The following PRPSAP1 variants were observed in gnomAD, a reference collection of about 807,000 sequenced individuals.
PRPSAP1 encodes the protein phosphoribosyl pyrophosphate synthetase associated protein 1, also known as phosphoribosyl pyrophosphate synthase-associated protein 1.
PRPSAP1 carries 31 observed loss-of-function variants against 39.4 expected under a neutral mutation model. The observed-to-expected ratio is 0.79, with a 90% CI of 0.59 to 1.06. The LOEUF (loss-of-function observed/expected upper bound fraction) is 1.06, where lower values mean the gene tolerates loss of function less well. Ranked by LOEUF, PRPSAP1 falls within the 50% of genes least tolerant of loss-of-function variation. The pLI is 0.00. For synonymous variants in PRPSAP1, 212 were observed against 192.6 expected (o/e 1.10, Z -0.83); for missense variants, 430 against 511.6 (o/e 0.84, Z 1.54).
Position 76,332,704 on chromosome 17 carries a change from G to C in PRPSAP1, c.291-269C>G, listed in dbSNP as rs150493869. Among the ~76,000 whole-genome samples, 287 of 152,186 alleles carry C rather than the reference G, an allele frequency of 1.9e-3. 4 individuals carry two copies. Among genetic ancestry groups the C allele is most frequent in the Admixed American group, 6.8e-3 (104 of 15,276 alleles). On this transcript the variant is annotated intron_variant, in intron 3 of 9. Coordinates refer to ENST00000446526, the MANE Select transcript of PRPSAP1 (RefSeq NM_002766.3). ...GCCTGGGTCTCCTGTGTCATACCCC[G>C]TTACTGCAGTGACATCTGAAGCAAC...
chr17:76,341,225 CTTTT>C (rs1227950670), intron 3 of PRPSAP1, among the ~76,000 whole-genome samples: 92 of 122,186 alleles, frequency 7.5e-4, no homozygotes, highest in Non-Finnish European at 1.1e-3. Context: ...AACAATTTGA[CTTTT>C]TTTTGTTTTT....
chr17:76,347,103 C>T (rs573324034), intron 2 of PRPSAP1, among the ~76,000 whole-genome samples: 7 of 151,916 alleles, frequency 4.6e-5, no homozygotes, highest in East Asian at 3.9e-4. Context: ...CAATCCAGAA[C>T]GAGCAGCGCA....
chr17:76,314,564 G>T (rs1319098370), intron 7 of PRPSAP1: 1 of 152,090 alleles, frequency 6.6e-6, no homozygotes, highest in East Asian at 1.9e-4. Context: ...TCTCAGAGGG[G>T]ATCTTGCTAT....
At chr17:76,345,609 G>GA (rs60667192) in intron 2 of PRPSAP1, among the ~76,000 whole-genome samples, 19,109 of 99,380 alleles carry the variant, frequency 0.19, 2,156 homozygotes, top group African/African-American at 0.36. Flanking sequence ...CTTGTCTGGA[G>GA]AAAAAAAAAA....
intron 7 of PRPSAP1, among the ~76,000 whole-genome samples, chr17:76,325,621 CAG>C (rs1307623069): frequency 2.4e-5 from 3 of 122,464 alleles, no homozygotes; most frequent in Admixed American, 9.1e-5. Flanking sequence ...TTTTTTGAGA[CAG>C]AGTCTCGCTC....
upstream of PRPSAP1, chr17:76,354,056 C>A: frequency 9.2e-7 from 1 of 1,083,792 alleles, no homozygotes; most frequent in Non-Finnish European, 1.1e-6. Flanking sequence ...CGCCCCGCCC[C>A]TGCTTTGACC....
rs753843843 is a variant in PRPSAP1, at chr17:76,348,563, C to T, written c.189G>A (p.Leu63=). 1.3e-6 allele frequency: 2 copies of T among 1,529,138 alleles called. No homozygotes were observed. The highest frequency in any genetic ancestry group is 1.7e-6 in the Non-Finnish European group (2 of 1,149,550). The allele number at this position is 1,529,138 out of a possible 1,614,324, so 94.7% of individuals were successfully genotyped here. Residue 63 remains leucine, a synonymous_variant, in exon 2 of 10, where the codon TTG becomes TTA. Coordinates refer to ENST00000446526, the MANE Select transcript of PRPSAP1 (RefSeq NM_002766.3). ...KRITERLGAE[L]GKSVVYQETN... is the part of the protein sequence containing the mutation. ...TCTCTTGATATACAACAGACTTCCC[C>T]AATTCAGCACCAAGGCGCCTATAGA...
At chr17:76,353,230 G>A (rs2071599262) in intron 1 of PRPSAP1, 1 of 349,928 alleles carries the variant, frequency 2.9e-6, no homozygotes, top group African/African-American at 2.2e-5. Flanking sequence ...ACGCACTCCG[G>A]GGCTCCAGAA....
Position 76,311,572 on chromosome 17 carries a change from G to C in PRPSAP1, c.1128C>G (p.Tyr376Ter). The C allele has an allele frequency of 6.2e-7, 1 of 1,613,982 alleles. No homozygotes were observed. Among genetic ancestry groups the C allele is most frequent in the Non-Finnish European group, 8.5e-7 (1 of 1,179,956 alleles). The change falls in exon 10 of 10, where the codon TAC (tyrosine) becomes TAG (stop). Residue 376 changes from tyrosine (Y) to a stop codon, truncating the protein, a stop_gained. Coordinates refer to ENST00000446526, the MANE Select transcript of PRPSAP1 (RefSeq NM_002766.3). LOFTEE classifies it high-confidence loss of function. ...CATCCACAGTGATGTTTCGGAAAAGGTAGGCCATGGACTCTCCATTGTGGA... is the reference window on the plus strand; with the variant it reads ...CATCCACAGTGATGTTTCGGAAAAGCTAGGCCATGGACTCTCCATTGTGGA... Reference protein sequence around the residue: ...RRIHNGESMAYLFRNITVDD With the variant: ...RRIHNGESMA
chr17:76,327,928 A>C (rs999185384), intron 7 of PRPSAP1, among the ~76,000 whole-genome samples: 18 of 152,124 alleles, frequency 1.2e-4, no homozygotes, highest in Non-Finnish European at 2.2e-4. Context: ...AATCTTATGT[A>C]ATCTCGGCAT....
At chr17:76,346,746 G>C (rs1028397947) in intron 2 of PRPSAP1, among the ~76,000 whole-genome samples, 3 of 152,216 alleles carry the variant, frequency 2.0e-5, no homozygotes, top group African/African-American at 4.8e-5. Flanking sequence ...GAAAAAGGGA[G>C]TTTGGCCGGG....
chr17:76,337,439 AAC>A (rs1378058910), intron 3 of PRPSAP1: 3 of 73,866 alleles, frequency 4.1e-5, no homozygotes, highest in East Asian at 2.5e-4. Flanking sequence ...CAACAACAAC[AAC>A]AACAACAAAC....
At chr17:76,314,924 C>G (rs2071107396) in intron 7 of PRPSAP1, among the ~76,000 whole-genome samples, 1 of 152,208 alleles carries the variant, frequency 6.6e-6, no homozygotes, top group South Asian at 2.1e-4. Context: ...TGCCGCTCTG[C>G]AGAAAGCGAA....
intron 7 of PRPSAP1, among the ~76,000 whole-genome samples, chr17:76,317,211 G>A (rs576962970): frequency 3.9e-5 from 6 of 152,306 alleles, no homozygotes; most frequent in Admixed American, 1.3e-4. Context: ...TTAGCCAGGC[G>A]TGGTGGTACA....
intron 3 of PRPSAP1, among the ~76,000 whole-genome samples, chr17:76,336,888 T>C (rs898260749): frequency 6.6e-6 from 1 of 152,088 alleles, no homozygotes; most frequent in African/African-American, 2.4e-5. Flanking sequence ...CTTTGTCACA[T>C]TGGCTTTACC....
rs2143540086 is a variant in PRPSAP1 at position 76,344,876 on chromosome 17, A to AGATCACG, written c.224-140_224-139insCGTGATC. On this transcript the variant is annotated intron_variant, in intron 2 of 9. Coordinates refer to ENST00000446526, the MANE Select transcript of PRPSAP1 (RefSeq NM_002766.3). ...GCACTTTAGGAGGGCTGAGGAAAGCAGATCACTTGAGCACCAGAGTTCAAG... is the reference window on the plus strand; with the variant it reads ...GCACTTTAGGAGGGCTGAGGAAAGCAGATCACGGATCACTTGAGCACCAGAGTTCAAG... The AGATCACG allele has an allele frequency of 8.4e-6, 5 of 592,196 alleles. No homozygotes were observed. The East Asian group carries it at 1.4e-4, about 17-fold the overall frequency. 36.7% of individuals were successfully genotyped at this position (592,196 alleles called of 1,614,324 possible). A position where few individuals can be genotyped will look rare whatever the true frequency, so the allele number is the denominator to read the frequency against.
At chr17:76,351,219 A>C (rs2071565765) in intron 1 of PRPSAP1, among the ~76,000 whole-genome samples, 2 of 152,158 alleles carry the variant, frequency 1.3e-5, no homozygotes, top group South Asian at 4.1e-4. Flanking sequence ...TAAAAATACA[A>C]AAACTAGCCA....
At chr17:76,325,411 CAAAAAAAAAAAAAAA>C (rs761293363) in intron 7 of PRPSAP1, among the ~76,000 whole-genome samples, 8 of 18,884 alleles carry the variant, frequency 4.2e-4, no homozygotes, top group East Asian at 6.5e-3. Flanking sequence ...GACTCAGTCT[CAAAAAAAAAAAAAAA>C]AAAAAAAAAA....
chr17:76,323,659 T>C (rs535658449), intron 7 of PRPSAP1, among the ~76,000 whole-genome samples: 56 of 151,144 alleles, frequency 3.7e-4, no homozygotes, highest in Non-Finnish European at 7.2e-4. Flanking sequence ...TTCAATCTTA[T>C]GATAAAACTG....
Sources: allele counts gnomAD v4.1 joint callset (sites outside exome capture counted in the v4.1 genomes callset), GRCh38; gene constraint gnomAD v4.1.1; transcripts MANE v1.5; gene names NCBI Gene and HGNC (gene_info 2026-07-23, HGNC 2026-07-21).